Variants in RARS1 observed in about 807,000 individuals in gnomAD.
RARS1 encodes the protein arginyl-tRNA synthetase 1, also known as arginine--tRNA ligase, cytoplasmic.
A neutral mutation model predicts 78.7 loss-of-function variants in RARS1; 75 were observed. That is an observed-to-expected ratio of 0.95 (90% confidence interval 0.79 to 1.15). The LOEUF is 1.15. Ranked by LOEUF, RARS1 falls within the 50% of genes most tolerant of loss-of-function variation. RARS1 has a pLI of 0.00. For synonymous variants in RARS1, 273 were observed against 268.2 expected (o/e 1.02, Z -0.18); for missense variants, 787 against 787.5 (o/e 1.00, Z 0.01).
chr5:168,501,143 A>G (rs1480212818), intron 8 of RARS1, among the ~76,000 whole-genome samples: 1 of 152,196 alleles, frequency 6.6e-6, no homozygotes, highest in African/African-American at 2.4e-5. Flanking sequence ...GGCGATTTCA[A>G]GTTTTCTAAC....
chr5:168,494,960 A>G (rs917375183), intron 5 of RARS1: 1 of 335,106 alleles, frequency 3.0e-6, no homozygotes, highest in African/African-American at 2.1e-5. Context: ...GATTATGAAC[A>G]TTTATGAAGT....
At chr5:168,493,521 G>A (rs1310208979) in intron 3 of RARS1, among the ~76,000 whole-genome samples, 3 of 151,186 alleles carry the variant, frequency 2.0e-5, no homozygotes, top group Admixed American at 1.3e-4. Context: ...TGTAATCCCA[G>A]CTACTAGGGA....
chr5:168,508,619 CAA>C (rs34579916), intron 11 of RARS1, among the ~76,000 whole-genome samples: 37 of 61,246 alleles, frequency 6.0e-4, no homozygotes, highest in East Asian at 1.3e-3. Flanking sequence ...GACTCTGTCT[CAA>C]AAAAAAAAAA....
chr5:168,516,865 A>G lies in RARS1; in HGVS notation c.1540A>G (p.Asn514Asp), dbSNP rs755286269. 2 of 1,614,172 alleles carry G rather than the reference A, an allele frequency of 1.2e-6. No homozygotes were observed. The highest frequency in any genetic ancestry group is 3.3e-5 in the Admixed American group (2 of 60,028). Residue 514 changes from asparagine to aspartate, a missense_variant, in exon 13 of 15, where the codon AAT (asparagine) becomes GAT (aspartate). Asn to Asp is a conservative substitution (Grantham distance 23). Coordinates refer to ENST00000231572, the MANE Select transcript of RARS1 (RefSeq NM_002887.4). ...KYADLSHNRL[N>D]DYIFSFDKML... ...TGCTGACCTTTCCCATAACCGGTTG[A>G]ATGACTACATCTTCTCCTTTGACAA...
intron 12 of RARS1, among the ~76,000 whole-genome samples, chr5:168,513,865 T>A (rs1346532179): frequency 6.6e-6 from 1 of 152,186 alleles, no homozygotes; most frequent in Non-Finnish European, 1.5e-5. Context: ...TCTTTCAGAA[T>A]TTTTGTTTGT....
At chr5:168,510,065 G>T (rs948690406) in intron 11 of RARS1, among the ~76,000 whole-genome samples, 1 of 152,168 alleles carries the variant, frequency 6.6e-6, no homozygotes, top group Non-Finnish European at 1.5e-5. Context: ...ATGAATCAAG[G>T]CTTGGTTACC....
chr5:168,488,884 T>A, intron 2 of RARS1, 148 bp downstream of exon 2: 1 of 935,722 alleles, frequency 1.1e-6, no homozygotes, highest in Non-Finnish European at 1.5e-6. Context: ...ATTAGACAAC[T>A]TAGGACTGAG....
chr5:168,510,827 G>A, intron 12 of RARS1, 141 bp downstream of exon 12: 1 of 532,332 alleles, frequency 1.9e-6, no homozygotes, highest in Non-Finnish European at 3.3e-6. Context: ...TTATTGCACA[G>A]TAAGTTTATT....
chr5:168,494,526 T>C (rs774270998), intron 4 of RARS1, 24 bp from the exon 5 acceptor site: 1 of 1,605,202 alleles, frequency 6.2e-7, no homozygotes, highest in East Asian at 2.2e-5. Flanking sequence ...CAGTATCTGA[T>C]ATTTTTTCTC....
rs1187776984 is a variant in RARS1 at position 168,500,696 on chromosome 5, C to T, written c.928C>T (p.Leu310Phe). Residue 310 changes from leucine to phenylalanine, a missense_variant, in exon 8 of 15, where the codon CTT (leucine) becomes TTT (phenylalanine). Coordinates refer to ENST00000231572, the MANE Select transcript of RARS1 (RefSeq NM_002887.4). ...KNPDITKAWK[L>F]ICDVSRQELN... is the part of the protein sequence containing the mutation. Reference sequence around the variant, plus strand: ...CCCAGATATTACAAAAGCTTGGAAGCTTATCTGTGATGTCTCCCGCCAAGG... The same window carrying T: ...CCCAGATATTACAAAAGCTTGGAAGTTTATCTGTGATGTCTCCCGCCAAGG... 6 of 1,611,136 alleles carry T rather than the reference C, an allele frequency of 3.7e-6. No individual in the cohort carries two copies. The highest frequency in any genetic ancestry group is 2.2e-5 in the East Asian group (1 of 44,768).
At chr5:168,516,310 T>C (rs1471302167) in intron 12 of RARS1, among the ~76,000 whole-genome samples, 1 of 152,224 alleles carries the variant, frequency 6.6e-6, no homozygotes, top group Non-Finnish European at 1.5e-5. Context: ...TTTAGAATAC[T>C]TGAGCAAATA....
At position 168,493,633 on chromosome 5, in the gene RARS1, C is replaced by CA. The variant is rs35001933; in HGVS notation, c.370-240dup. ...TGGGCAACAGAGCGAGACTCCATCTCAAAAAAAAAAAAAAAAAAAAATAGT... is the reference window on the plus strand; with the variant it reads ...TGGGCAACAGAGCGAGACTCCATCTCAAAAAAAAAAAAAAAAAAAAAATAGT... On this transcript the variant is annotated intron_variant, in intron 3 of 14. Transcript: ENST00000231572. Among the ~76,000 whole-genome samples, 10,283 of 77,896 alleles carry CA rather than the reference C, an allele frequency of 0.13. 1,898 individuals are homozygous for CA. Among genetic ancestry groups the CA allele is most frequent in the African/African-American group, 0.41 (9,026 of 21,800 alleles). 51.1% of individuals were successfully genotyped at this position (77,896 alleles called of 152,430 possible).
rs772774140 is a variant in RARS1 at position 168,494,599 on chromosome 5, C to T, written c.528C>T (p.Thr176=). The T allele has an allele frequency of 2.5e-6, 4 of 1,611,080 alleles. 1 individual carries two copies. The highest frequency in any genetic ancestry group is 2.2e-5 in the South Asian group (2 of 91,018). The part of the protein sequence containing the change: ...LRKDFVSEQL[T]SLLVNGVQLP... The stretch of plus-strand genomic sequence containing the variant: ...AGGATTTTGTATCAGAACAATTGAC[C>T]AGTCTTCTAGTGAATGGAGTTCAAC... Residue 176 remains threonine (T), a synonymous_variant, in exon 5 of 15, where the codon ACC becomes ACT. Transcript: ENST00000231572.
intron 1 of RARS1, among the ~76,000 whole-genome samples, chr5:168,487,692 GTATT>G (rs2152903059): frequency 6.6e-6 from 1 of 152,314 alleles, no homozygotes; most frequent in South Asian, 2.1e-4. Context: ...CTCCCAGTAA[GTATT>G]CTGAAATTTC....
intron 14 of RARS1, among the ~76,000 whole-genome samples, 166 bp downstream of exon 14, chr5:168,518,228 C>T (rs979586357): frequency 1.8e-4 from 27 of 151,406 alleles, no homozygotes; most frequent in African/African-American, 5.8e-4. Context: ...GACTTACACA[C>T]GTGTGAGCCA....
At chr5:168,517,626 T>C (rs1758698032) in intron 13 of RARS1, among the ~76,000 whole-genome samples, 189 bp from the exon 14 acceptor site, 1 of 152,204 alleles carries the variant, frequency 6.6e-6, no homozygotes, top group Non-Finnish European at 1.5e-5. Context: ...AAGAATTATA[T>C]TTCCATTTTT....
chr5:168,500,044 C>T (rs1288732917), intron 7 of RARS1, among the ~76,000 whole-genome samples: 5 of 151,740 alleles, frequency 3.3e-5, no homozygotes, highest in South Asian at 2.1e-4. Flanking sequence ...AAAAATTAGG[C>T]GGGTGTGATG....
intron 11 of RARS1, among the ~76,000 whole-genome samples, chr5:168,508,547 G>A (rs545569113): frequency 1.5e-3 from 220 of 149,518 alleles, no homozygotes; most frequent in Non-Finnish European, 2.3e-3. Flanking sequence ...GTAAACCCGG[G>A]AGGCGGAGCT....
intron 12 of RARS1, among the ~76,000 whole-genome samples, chr5:168,516,389 C>T (rs550026217): frequency 3.9e-4 from 60 of 152,146 alleles, no homozygotes; most frequent in African/African-American, 1.4e-3. Context: ...AATTATTTAA[C>T]GCTAACTTTT....
Sources: allele counts gnomAD v4.1 joint callset (sites outside exome capture counted in the v4.1 genomes callset), GRCh38; gene constraint gnomAD v4.1.1; transcripts MANE v1.5; gene names NCBI Gene and HGNC (gene_info 2026-07-23, HGNC 2026-07-21).